KHDRBS2: variants seen among roughly 807,000 people sequenced by gnomAD.
KHDRBS2 encodes the protein KH domain-containing, RNA-binding, signal transduction-associated protein 2.
Under a neutral mutation model 44.3 loss-of-function variants are expected in KHDRBS2, and 26 were observed. The observed-to-expected ratio is 0.59, with a 90% CI of 0.43 to 0.81. The LOEUF is 0.81. Among genes scored for constraint, KHDRBS2 ranks in the 40% least tolerant of loss-of-function variants. KHDRBS2 has a pLI of 0.00. For missense variants in KHDRBS2, 476 were observed against 433.1 expected (o/e 1.10, Z -0.88); for synonymous variants, 194 against 151.1 (o/e 1.28, Z -2.08).
intron 1 of KHDRBS2, among the ~76,000 whole-genome samples, chr6:62,200,289 T>C (rs1826664251): frequency 6.6e-6 from 1 of 151,856 alleles, no homozygotes; most frequent in African/African-American, 2.4e-5. Context: ...ACCATCAGAG[T>C]GAACAGGCAA....
intron 1 of KHDRBS2, among the ~76,000 whole-genome samples, chr6:62,263,214 C>T (rs1011567190): frequency 6.6e-6 from 1 of 151,624 alleles, no homozygotes; most frequent in African/African-American, 2.4e-5. Flanking sequence ...GAAATTTTCA[C>T]AAAAAATACC....
intron 6 of KHDRBS2, among the ~76,000 whole-genome samples, chr6:61,782,437 G>T (rs1483892464): frequency 6.6e-6 from 1 of 151,670 alleles, no homozygotes; most frequent in East Asian, 1.9e-4. Context: ...GTTTATTTTT[G>T]CAGTTCGAGT....
the KHDRBS2 span, among the ~76,000 whole-genome samples, chr6:61,547,302 CT>C: frequency 6.6e-6 from 1 of 152,092 alleles, no homozygotes; most frequent in Non-Finnish European, 1.5e-5. Flanking sequence ...CCCTTACATT[CT>C]TTTAAGTGTG....
intron 1 of KHDRBS2, among the ~76,000 whole-genome samples, chr6:62,200,087 A>C (rs1029466162): frequency 6.6e-6 from 1 of 152,216 alleles, no homozygotes; most frequent in African/African-American, 2.4e-5. Flanking sequence ...AATTAATTCA[A>C]GATGGATTAA....
chr6:62,245,727 G>A (rs1835443618), intron 1 of KHDRBS2, among the ~76,000 whole-genome samples: 1 of 152,028 alleles, frequency 6.6e-6, no homozygotes, highest in African/African-American at 2.4e-5. Flanking sequence ...TCTAATTGAA[G>A]ATTAGATAAA....
intron 6 of KHDRBS2, among the ~76,000 whole-genome samples, chr6:61,845,649 G>A (rs1217612337): frequency 6.6e-6 from 1 of 152,190 alleles, no homozygotes; most frequent in African/African-American, 2.4e-5. Context: ...TGAGATCAGA[G>A]TTGGTGCCAA....
chr6:61,682,572 A>G (rs1225592110), intron 8 of KHDRBS2, among the ~76,000 whole-genome samples: 2 of 151,894 alleles, frequency 1.3e-5, no homozygotes, highest in African/African-American at 2.4e-5. Flanking sequence ...CATATTGTCT[A>G]TTGCTGCTTT....
intron 1 of KHDRBS2, among the ~76,000 whole-genome samples, chr6:62,226,716 G>T (rs182639187): frequency 1.3e-5 from 2 of 152,188 alleles, no homozygotes; most frequent in East Asian, 3.9e-4. Context: ...TGTAAGGTAG[G>T]GGTCCAGTTT....
chr6:62,224,932 C>T lies in KHDRBS2; in HGVS notation c.92-47620G>A, dbSNP rs1262952507. Among the ~76,000 whole-genome samples, 7 of 152,190 alleles carry T rather than the reference C, an allele frequency of 4.6e-5. 1 individual carries two copies. Among genetic ancestry groups the T allele is most frequent in the Admixed American group, 3.9e-4 (6 of 15,274 alleles). On this transcript the variant is annotated intron_variant, in intron 1 of 8. Coordinates refer to ENST00000281156, the MANE Select transcript of KHDRBS2 (RefSeq NM_152688.4). ...TAAAAACATACTTCCTGTGGCTTAACCATGATCCCCAAGTTGGGCTAGTCT... is the reference window on the plus strand; with the variant it reads ...TAAAAACATACTTCCTGTGGCTTAATCATGATCCCCAAGTTGGGCTAGTCT...
chr6:62,142,899 G>A (rs992905713), intron 2 of KHDRBS2, among the ~76,000 whole-genome samples: 4 of 146,490 alleles, frequency 2.7e-5, no homozygotes, highest in Admixed American at 1.3e-4. Context: ...TGACTGAATT[G>A]ACTTGATTTG....
chr6:61,568,886 C>T, the KHDRBS2 span, among the ~76,000 whole-genome samples: 1 of 152,132 alleles, frequency 6.6e-6, no homozygotes, highest in East Asian at 1.9e-4. Flanking sequence ...AAATTAGTAA[C>T]AATTTTGACT....
chr6:61,669,328 CT>C, the KHDRBS2 span, among the ~76,000 whole-genome samples: 1 of 150,716 alleles, frequency 6.6e-6, no homozygotes, highest in Non-Finnish European at 1.5e-5. Flanking sequence ...ATTTTTACCC[CT>C]GACTCTTTCA....
At position 62,005,402 on chromosome 6, in the gene KHDRBS2, T is replaced by A. The variant is rs187973638; in HGVS notation, c.337-27190A>T. Among the ~76,000 whole-genome samples, 215 of 152,116 alleles carry A rather than the reference T, an allele frequency of 1.4e-3. 1 individual carries two copies. Among genetic ancestry groups the A allele is most frequent in the African/African-American group, 4.8e-3 (200 of 41,556 alleles). On this transcript the variant is annotated intron_variant, in intron 3 of 8. Coordinates refer to ENST00000281156, the MANE Select transcript of KHDRBS2 (RefSeq NM_152688.4). ...CTGCAACACTCTCCAATTAAAAAAA[T>A]TTATTTGTACTATAAGAAAATAAAA...
At chr6:61,848,542 T>TAC (rs1794906953) in intron 6 of KHDRBS2, among the ~76,000 whole-genome samples, 1 of 54,444 alleles carries the variant, frequency 1.8e-5, no homozygotes. Flanking sequence ...CATATATATG[T>TAC]ATATATATAC....
chr6:61,715,735 C>T (rs541067338), intron 7 of KHDRBS2, among the ~76,000 whole-genome samples: 9 of 151,548 alleles, frequency 5.9e-5, no homozygotes, highest in African/African-American at 2.2e-4. Flanking sequence ...ACAAATAGTC[C>T]TCTGTATTTT....
At chr6:62,021,795 A>G (rs1782368395) in intron 3 of KHDRBS2, among the ~76,000 whole-genome samples, 1 of 151,628 alleles carries the variant, frequency 6.6e-6, no homozygotes, top group South Asian at 2.1e-4. Flanking sequence ...AATTCTTTAA[A>G]AGGACAAATT....
chr6:61,920,658 G>A (rs1014832899), intron 4 of KHDRBS2, among the ~76,000 whole-genome samples: 2 of 151,930 alleles, frequency 1.3e-5, no homozygotes, highest in Non-Finnish European at 2.9e-5. Flanking sequence ...TTAAGGTCTA[G>A]GGTGAGAATA....
intron 1 of KHDRBS2, among the ~76,000 whole-genome samples, chr6:62,249,249 T>C (rs988930981): frequency 2.6e-5 from 4 of 152,142 alleles, no homozygotes; most frequent in African/African-American, 7.2e-5. Flanking sequence ...ACCGTATCTA[T>C]AGTCACACTG....
intron 2 of KHDRBS2, among the ~76,000 whole-genome samples, chr6:62,134,700 G>A (rs150870162): frequency 7.7e-4 from 118 of 152,272 alleles, no homozygotes; most frequent in African/African-American, 2.6e-3. Flanking sequence ...AGCTTCCCAC[G>A]ACCATAGGAA....
Sources: gnomAD v4.1 joint callset for allele counts (sites outside exome capture counted in the v4.1 genomes callset) on GRCh38, gnomAD v4.1.1 for gene constraint, MANE v1.5 for transcripts, NCBI Gene and HGNC (gene_info 2026-07-23, HGNC 2026-07-21) for gene names.